The following NRXN1 variants were observed in gnomAD, a reference collection of about 807,000 sequenced individuals.
NRXN1 encodes neurexin 1, also known as neurexin-1.
Under a neutral mutation model 150.9 loss-of-function variants are expected in NRXN1, and 39 were observed. That is an observed-to-expected ratio of 0.26 (90% CI 0.20 to 0.34). NRXN1 has a LOEUF of 0.34. Ranked by LOEUF, NRXN1 falls within the 10% of genes least tolerant of loss-of-function variation. The probability of loss-of-function intolerance (pLI) is 1.00; values close to 1 mark genes in which losing one functional copy is unlikely to be tolerated. For synonymous variants in NRXN1, 924 were observed against 757.0 expected (o/e 1.22, Z -3.62); for missense variants, 1,815 against 1,949.9 (o/e 0.93, Z 1.30).
At chr2:50,174,661 C>A (rs963548590) in intron 18 of NRXN1, 32 of 152,026 alleles carry the variant, frequency 2.1e-4, no homozygotes, top group African/African-American at 6.8e-4. Flanking sequence ...ATTCAGTAAT[C>A]TTCTTAACAG....
chr2:50,703,652 T>C (rs1370676509), intron 5 of NRXN1, among the ~76,000 whole-genome samples: 1 of 152,180 alleles, frequency 6.6e-6, no homozygotes, highest in African/African-American at 2.4e-5. Flanking sequence ...AAAGACTACT[T>C]ACAGTAATTT....
At chr2:50,115,214 T>A (rs1454715880) in intron 18 of NRXN1, among the ~76,000 whole-genome samples, 2 of 90,436 alleles carry the variant, frequency 2.2e-5, no homozygotes, top group Non-Finnish European at 4.7e-5. Context: ...ATATATGTTA[T>A]GTGTATATAT....
At chr2:50,679,449 A>C (rs1690038332) in intron 5 of NRXN1, among the ~76,000 whole-genome samples, 1 of 152,012 alleles carries the variant, frequency 6.6e-6, no homozygotes, top group Non-Finnish European at 1.5e-5. Context: ...AAAATGTTTT[A>C]GCTCTCCCAG....
At chr2:50,889,997 T>A (rs1313941639) in intron 5 of NRXN1, among the ~76,000 whole-genome samples, 1 of 151,488 alleles carries the variant, frequency 6.6e-6, no homozygotes, top group East Asian at 1.9e-4. Flanking sequence ...ATATTTTTAA[T>A]AATGCTGCAT....
At chr2:50,110,982 T>C (rs1377708557) in intron 18 of NRXN1, among the ~76,000 whole-genome samples, 2 of 152,198 alleles carry the variant, frequency 1.3e-5, no homozygotes, top group Non-Finnish European at 2.9e-5. Flanking sequence ...TCATTAGTTA[T>C]AATACTTTAT....
chr2:50,534,984 A>G (rs997120730), intron 10 of NRXN1, among the ~76,000 whole-genome samples: 2 of 152,216 alleles, frequency 1.3e-5, no homozygotes, highest in Non-Finnish European at 2.9e-5. Flanking sequence ...ATAACATAGT[A>G]AAGTAATAAA....
chr2:50,630,405 T>C (rs1172091156), intron 5 of NRXN1, among the ~76,000 whole-genome samples: 3 of 151,816 alleles, frequency 2.0e-5, no homozygotes, highest in African/African-American at 7.2e-5. Context: ...AAATTGATTC[T>C]CAGGACAATG....
intron 5 of NRXN1, among the ~76,000 whole-genome samples, chr2:50,875,176 A>G (rs1021899540): frequency 1.3e-5 from 2 of 151,752 alleles, no homozygotes; most frequent in South Asian, 4.1e-4. Flanking sequence ...CATATTTACA[A>G]CTTAATTTTC....
At chr2:50,423,218 G>A (rs990870328) in intron 17 of NRXN1, among the ~76,000 whole-genome samples, 3 of 152,130 alleles carry the variant, frequency 2.0e-5, no homozygotes, top group Admixed American at 6.5e-5. Context: ...TCTTTCATCT[G>A]ATTTATCTAA....
chr2:50,216,724 T>C (rs925312394), intron 18 of NRXN1, among the ~76,000 whole-genome samples: 1 of 152,002 alleles, frequency 6.6e-6, no homozygotes, highest in East Asian at 1.9e-4. Context: ...TTTCTGCATA[T>C]GCTAGTTGGG....
At chr2:50,668,628 G>A (rs151173399) in intron 5 of NRXN1, among the ~76,000 whole-genome samples, 7 of 151,982 alleles carry the variant, frequency 4.6e-5, no homozygotes, top group South Asian at 2.1e-4. Context: ...TACAACCAGC[G>A]GCAAACAGTC....
At chr2:50,068,762 CA>C (rs1489257387) in intron 19 of NRXN1, among the ~76,000 whole-genome samples, 1 of 152,032 alleles carries the variant, frequency 6.6e-6, no homozygotes, top group Admixed American at 6.6e-5. Flanking sequence ...GTGTACATCA[CA>C]AAAAATATTT....
chr2:50,128,990 T>C (rs1015981629), intron 18 of NRXN1, among the ~76,000 whole-genome samples: 3 of 148,972 alleles, frequency 2.0e-5, no homozygotes, highest in Non-Finnish European at 4.4e-5. Context: ...TCTCAATAAA[T>C]AAATAAATAA....
At chr2:50,679,163 C>T (rs1689985545) in intron 5 of NRXN1, among the ~76,000 whole-genome samples, 1 of 151,744 alleles carries the variant, frequency 6.6e-6, no homozygotes, top group African/African-American at 2.4e-5. Flanking sequence ...AGTAGATTCC[C>T]AAGGAGAAGA....
intron 17 of NRXN1, among the ~76,000 whole-genome samples, chr2:50,309,863 C>G (rs758443638): frequency 1.1e-4 from 16 of 152,098 alleles, no homozygotes; most frequent in Non-Finnish European, 1.8e-4. Flanking sequence ...AAAAAATGTT[C>G]ACAATCTTTC....
chr2:50,155,961 A>T (rs2058993904), intron 18 of NRXN1, among the ~76,000 whole-genome samples: 1 of 151,712 alleles, frequency 6.6e-6, no homozygotes, highest in African/African-American at 2.4e-5. Flanking sequence ...ATTTAAGTTG[A>T]CAAATTTGTT....
At chr2:50,266,580 C>G (rs1243311211) in intron 17 of NRXN1, among the ~76,000 whole-genome samples, 1 of 147,122 alleles carries the variant, frequency 6.8e-6, no homozygotes, top group African/African-American at 2.5e-5. Flanking sequence ...CACATATTTT[C>G]TTTCTAGAAG....
chr2:50,837,183 T>C (rs1256129485), intron 5 of NRXN1, among the ~76,000 whole-genome samples: 1 of 152,134 alleles, frequency 6.6e-6, no homozygotes, highest in African/African-American at 2.4e-5. Flanking sequence ...ATGAAAAATG[T>C]ATAATAATTC....
chr2:50,076,600 T>TA (rs1446245835), intron 19 of NRXN1, among the ~76,000 whole-genome samples: 24 of 152,338 alleles, frequency 1.6e-4, no homozygotes, highest in African/African-American at 5.8e-4. Flanking sequence ...AGTCTGGCTT[T>TA]TGAATGTTCC....
Sources: gnomAD v4.1 joint callset for allele counts (sites outside exome capture counted in the v4.1 genomes callset) on GRCh38, gnomAD v4.1.1 for gene constraint, MANE v1.5 for transcripts, NCBI Gene and HGNC (gene_info 2026-07-23, HGNC 2026-07-21) for gene names.